RILPL1: variants seen among roughly 807,000 people sequenced by gnomAD.
RILPL1 encodes the protein RILP-like protein 1.
Under a neutral mutation model 50.3 loss-of-function variants are expected in RILPL1, and 33 were observed. The observed-to-expected ratio is 0.66, with a 90% CI of 0.50 to 0.88. The LOEUF (loss-of-function observed/expected upper bound fraction) is 0.88. Ranked by LOEUF, RILPL1 falls within the 40% of genes least tolerant of loss-of-function variation. The pLI is 0.00. For synonymous variants in RILPL1, 205 were observed against 228.6 expected, an observed-to-expected ratio of 0.90 and a Z score of 0.93; for missense variants, 418 against 542.5, an observed-to-expected ratio of 0.77 and a Z score of 2.28.
chr12:123,531,066 A>G (rs751613841), intron 1 of RILPL1, among the ~76,000 whole-genome samples: 3 of 152,138 alleles, frequency 2.0e-5, no homozygotes, highest in Non-Finnish European at 4.4e-5. Flanking sequence ...GACATGCCAA[A>G]AACATTTTTG....
At chr12:123,484,677 CAG>C (rs936349480) in intron 5 of RILPL1, 5 of 183,270 alleles carry the variant, frequency 2.7e-5, no homozygotes, top group Admixed American at 1.5e-4. Flanking sequence ...TTTTTTGAGA[CAG>C]GGTCTCATTC....
At chr12:123,495,431 G>A (rs1183973086) in intron 4 of RILPL1, among the ~76,000 whole-genome samples, 3 of 149,840 alleles carry the variant, frequency 2.0e-5, no homozygotes, top group African/African-American at 7.4e-5. Flanking sequence ...CTGGAGTGCA[G>A]TGGTGCGATC....
At position 123,485,541 on chromosome 12, in the gene RILPL1, G is replaced by T; in HGVS notation, c.974+92C>A. On this transcript the variant is annotated intron_variant, in intron 5 of 6. Coordinates refer to ENST00000376874, the MANE Select transcript of RILPL1 (RefSeq NM_178314.5). This position sits in a 1 kb window ranked among gnomAD's most constrained non-coding sequence, Gnocchi z 4.0. Reference sequence around the variant, plus strand: ...CAAAAAAAACACTGATGAAATGCTTGTCTTCCAGGGGGTAAGAAGGTAACT... The same window carrying T: ...CAAAAAAAACACTGATGAAATGCTTTTCTTCCAGGGGGTAAGAAGGTAACT... 8.3e-7 allele frequency: 1 copy of T among 1,210,178 alleles called. No homozygotes were observed. Among genetic ancestry groups the T allele is most frequent in the Non-Finnish European group, 1.2e-6 (1 of 855,356 alleles). The allele number at this position is 1,210,178 out of a possible 1,614,324, so 75.0% of individuals were successfully genotyped here.
At chr12:123,512,391 T>C (rs1274258695) in intron 2 of RILPL1, among the ~76,000 whole-genome samples, 1 of 140,206 alleles carries the variant, frequency 7.1e-6, no homozygotes, top group African/African-American at 2.7e-5. Context: ...GGTCTGTGTG[T>C]GTGGTGTGTG....
Position 123,493,784 on chromosome 12 carries a change from C to CTT in RILPL1, c.801+4758_801+4759dup, listed in dbSNP as rs34062051. Among the ~76,000 whole-genome samples, 188 of 134,420 alleles carry CTT rather than the reference C, an allele frequency of 1.4e-3. 1 individual carries two copies. Among genetic ancestry groups the CTT allele is most frequent in the Middle Eastern group, 3.8e-3 (1 of 262 alleles). 88.2% of individuals were successfully genotyped at this position (134,420 alleles called of 152,430 possible). A position where few individuals can be genotyped will look rare whatever the true frequency, so the allele number is the denominator to read the frequency against. ...CAAGATCTGTCCTGAGGCCCTGCCT[C>CTT]TTTTTTTTTTTTTTTTTTGAGATGA... On this transcript the variant is annotated intron_variant, in intron 4 of 6. Transcript: ENST00000376874.
At chr12:123,531,647 G>A (rs1310651533) in intron 1 of RILPL1, among the ~76,000 whole-genome samples, 1 of 152,180 alleles carries the variant, frequency 6.6e-6, no homozygotes, top group Non-Finnish European at 1.5e-5. Flanking sequence ...GACTTGCAAA[G>A]CCCTTGCTAT....
chr12:123,500,434 G>C (rs1883306942), intron 2 of RILPL1, among the ~76,000 whole-genome samples: 1 of 151,598 alleles, frequency 6.6e-6, no homozygotes, highest in Middle Eastern at 3.2e-3. Context: ...ACAGACATGT[G>C]CTACCTCGCC....
intron 1 of RILPL1, among the ~76,000 whole-genome samples, chr12:123,531,924 G>C (rs1222380921): frequency 6.6e-6 from 1 of 152,202 alleles, no homozygotes; most frequent in Admixed American, 6.5e-5. Context: ...CCTCGGAAAT[G>C]CTGCTCAACT....
At chr12:123,486,643 T>C (rs1481408280) in intron 4 of RILPL1, among the ~76,000 whole-genome samples, 3 of 152,184 alleles carry the variant, frequency 2.0e-5, no homozygotes, top group African/African-American at 7.2e-5. Context: ...CCCATACTTA[T>C]TATTTTATTT....
intron 2 of RILPL1, among the ~76,000 whole-genome samples, chr12:123,501,026 T>C (rs983163805): frequency 2.6e-5 from 4 of 151,794 alleles, no homozygotes; most frequent in African/African-American, 9.7e-5. Context: ...GAGAATTGCT[T>C]GAACCTGGGA....
intron 1 of RILPL1, among the ~76,000 whole-genome samples, chr12:123,532,264 G>A (rs1418850078): frequency 6.6e-6 from 1 of 152,224 alleles, no homozygotes; most frequent in Non-Finnish European, 1.5e-5. Context: ...CCCTGGCTGA[G>A]GTTAGGGCAG....
intron 2 of RILPL1, among the ~76,000 whole-genome samples, chr12:123,506,293 A>G (rs1168976296): frequency 6.6e-6 from 1 of 152,216 alleles, no homozygotes; most frequent in Non-Finnish European, 1.5e-5. Context: ...GCTGAGGCGC[A>G]GAGGCCATGG....
intron 2 of RILPL1, among the ~76,000 whole-genome samples, chr12:123,508,395 AAAAAAAC>A (rs927144496): frequency 1.3e-4 from 20 of 152,256 alleles, no homozygotes; most frequent in African/African-American, 2.9e-4. Context: ...CCCTGCCTCA[AAAAAAAC>A]AAAAAACAAA....
intron 6 of RILPL1, chr12:123,475,896 AAT>A: frequency 4.0e-6 from 2 of 505,016 alleles, no homozygotes; most frequent in Non-Finnish European, 6.8e-6. Flanking sequence ...ATTCACTTAA[AAT>A]TTTTTTTTTT....
intron 2 of RILPL1, among the ~76,000 whole-genome samples, chr12:123,516,033 CAAAAAAAAAAA>C (rs749657516): frequency 3.0e-4 from 11 of 36,192 alleles, no homozygotes; most frequent in South Asian, 1.6e-3. Flanking sequence ...GACTCTGTCT[CAAAAAAAAAAA>C]AAAAAAAAAA....
At chr12:123,532,886 A>G (rs1369172032) in intron 1 of RILPL1, among the ~76,000 whole-genome samples, 1 of 152,138 alleles carries the variant, frequency 6.6e-6, no homozygotes, top group Admixed American at 6.6e-5. Flanking sequence ...CAGGTGAGGA[A>G]ATAAAGCACA....
At chr12:123,523,679 C>A in intron 1 of RILPL1, 34 bp from the exon 2 acceptor site, 7 of 1,603,874 alleles carry the variant, frequency 4.4e-6, no homozygotes, top group Non-Finnish European at 5.1e-6. Flanking sequence ...GGGGTCACTG[C>A]CTGCCCAGAG....
intron 2 of RILPL1, among the ~76,000 whole-genome samples, chr12:123,511,797 G>A (rs1884267979): frequency 7.3e-6 from 1 of 137,102 alleles, no homozygotes; most frequent in Non-Finnish European, 1.5e-5. Context: ...TGTGAGGTCT[G>A]TGTGTGGTGT....
intron 2 of RILPL1, among the ~76,000 whole-genome samples, chr12:123,513,173 G>A (rs536685225): frequency 1.3e-4 from 19 of 151,622 alleles, no homozygotes; most frequent in Middle Eastern, 3.4e-3. Context: ...TGTGTGTGGC[G>A]TGTGTGAGTG....
Sources: allele counts gnomAD v4.1 joint callset (sites outside exome capture counted in the v4.1 genomes callset), GRCh38; gene constraint gnomAD v4.1.1; non-coding constraint Gnocchi (gnomAD v3.1); transcripts MANE v1.5; gene names NCBI Gene and HGNC (gene_info 2026-07-23, HGNC 2026-07-21).